Variants in SCFD2 observed in about 807,000 individuals in gnomAD.
SCFD2 encodes sec1 family domain containing 2.
In SCFD2, 54 loss-of-function variants were observed where a neutral mutation model predicts 58.9. The observed-to-expected ratio is 0.92, with a 90% CI of 0.74 to 1.15. SCFD2 has a LOEUF of 1.15. Among genes scored for constraint, SCFD2 ranks in the 50% most tolerant of loss-of-function variants. The probability of loss-of-function intolerance (pLI) is 0.00; values close to 1 mark genes in which losing one functional copy is unlikely to be tolerated. For missense variants in SCFD2, 805 were observed against 836.6 expected, an observed-to-expected ratio of 0.96 and a Z score of 0.47; for synonymous variants, 321 against 335.9, an observed-to-expected ratio of 0.96 and a Z score of 0.49.
intron 5 of SCFD2, among the ~76,000 whole-genome samples, chr4:52,994,288 T>C (rs1486660908): frequency 6.6e-6 from 1 of 152,200 alleles, no homozygotes; most frequent in Non-Finnish European, 1.5e-5. Flanking sequence ...AACTCTAACA[T>C]TTCACTAGCC....
rs1390828355 is a variant in SCFD2, at chr4:53,014,567, G to T, written c.1562-93697C>A. ...ATTCAGCTTATTCAGCATTTATCAA[G>T]AACCTCATAGGCACAACCCTCTCCA... On this transcript the variant is annotated intron_variant, in intron 5 of 8. Transcript: ENST00000401642. Among the ~76,000 whole-genome samples, 6 of 152,196 alleles carry T rather than the reference G, an allele frequency of 3.9e-5. No individual in the cohort carries two copies. In the East Asian group the frequency reaches 1.2e-3, roughly 29 times the overall value.
chr4:53,313,529 C>T (rs748019572), intron 3 of SCFD2, 107 bp downstream of exon 3: 70 of 1,279,828 alleles, frequency 5.5e-5, no homozygotes, highest in Admixed American at 9.3e-5. Context: ...ATACAAAAGT[C>T]GTTACTACTT....
At chr4:53,237,959 C>T (rs1406045805) in intron 4 of SCFD2, among the ~76,000 whole-genome samples, 406 of 88,002 alleles carry the variant, frequency 4.6e-3, no homozygotes, top group South Asian at 9.9e-3. Flanking sequence ...GAGGGGCTGA[C>T]CCCCCCACCT....
chr4:53,278,196 G>A (rs1458707934), intron 3 of SCFD2, among the ~76,000 whole-genome samples: 1 of 151,782 alleles, frequency 6.6e-6, no homozygotes, highest in African/African-American at 2.4e-5. Context: ...GTGAAACCCT[G>A]TCTCTACTAA....
chr4:52,901,442 G>A (rs934843629), intron 7 of SCFD2, among the ~76,000 whole-genome samples: 5 of 152,182 alleles, frequency 3.3e-5, no homozygotes, highest in Admixed American at 2.6e-4. Context: ...CAATACATCT[G>A]AATCCTGGCT....
In SCFD2 at chr4:53,229,958, C is replaced by G. The variant is rs1319550837; in HGVS notation, c.1311+43868G>C. On this transcript the variant is annotated intron_variant, in intron 4 of 8. Transcript: ENST00000401642. Reference sequence around the variant, plus strand: ...CAAACAACCCCATCAAAAAGTGGGCCAAGGAGATGAACAGACACTTCTCAA... The same window carrying G: ...CAAACAACCCCATCAAAAAGTGGGCGAAGGAGATGAACAGACACTTCTCAA... 4.6e-5 allele frequency among the ~76,000 whole-genome samples: 7 copies of G among 151,870 alleles called. No homozygotes were observed. In the East Asian group the frequency reaches 1.2e-3, roughly 25 times the overall value.
At chr4:53,082,166 G>A (rs183298215) in intron 5 of SCFD2, among the ~76,000 whole-genome samples, 14 of 152,154 alleles carry the variant, frequency 9.2e-5, no homozygotes, top group African/African-American at 3.4e-4. Context: ...TCATATATAA[G>A]GTTTTGTGTA....
intron 4 of SCFD2, among the ~76,000 whole-genome samples, chr4:53,271,715 G>A (rs1577919121): frequency 6.6e-6 from 1 of 151,974 alleles, no homozygotes; most frequent in African/African-American, 2.4e-5. Context: ...CGCCCACCTC[G>A]GCCTCCCAAA....
intron 4 of SCFD2, among the ~76,000 whole-genome samples, chr4:53,191,695 G>A (rs1422554393): frequency 3.9e-5 from 6 of 152,144 alleles, no homozygotes; most frequent in Admixed American, 6.5e-5. Flanking sequence ...GTGAGCCACC[G>A]CGCCTGGCTG....
intron 5 of SCFD2, among the ~76,000 whole-genome samples, chr4:52,963,545 C>T (rs945689854): frequency 6.6e-6 from 1 of 152,168 alleles, no homozygotes; most frequent in African/African-American, 2.4e-5. Flanking sequence ...AACCACCCTG[C>T]CCTGTTCCTT....
rs1723906854 is a variant in SCFD2, at chr4:53,074,244, T to C, written c.1561+71089A>G. On this transcript the variant is annotated intron_variant, in intron 5 of 8. Coordinates refer to ENST00000401642, the MANE Select transcript of SCFD2 (RefSeq NM_152540.4). ...TTATCCATAAGAAGCAGCTCCTTAT[T>C]TGTTCAAGTTTTATGGAATTTTAAC... Among the ~76,000 whole-genome samples the C allele has an allele frequency of 2.0e-5, 3 of 152,212 alleles. No individual in the cohort carries two copies. The South Asian group carries it at 6.2e-4, about 32-fold the overall frequency.
At chr4:53,134,050 G>A (rs1426788329) in intron 5 of SCFD2, among the ~76,000 whole-genome samples, 2 of 152,196 alleles carry the variant, frequency 1.3e-5, no homozygotes, top group Non-Finnish European at 1.5e-5. Flanking sequence ...GATGAACCTT[G>A]AGGACATTAC....
At chr4:52,931,531 G>A (rs1226440343) in intron 5 of SCFD2, among the ~76,000 whole-genome samples, 3 of 152,332 alleles carry the variant, frequency 2.0e-5, no homozygotes, top group East Asian at 1.9e-4. Flanking sequence ...CTCCGCCTCC[G>A]GGTGGGGAGT....
intron 8 of SCFD2, among the ~76,000 whole-genome samples, chr4:52,876,414 A>T (rs1330372314): frequency 1.3e-5 from 2 of 152,134 alleles, no homozygotes; most frequent in Admixed American, 1.3e-4. Context: ...AGTTTTAGGG[A>T]TGGTTCATGA....
chr4:53,214,407 G>A (rs542316725), intron 4 of SCFD2, among the ~76,000 whole-genome samples: 2 of 152,140 alleles, frequency 1.3e-5, no homozygotes, highest in Non-Finnish European at 2.9e-5. Flanking sequence ...GATGGCCACT[G>A]ATGATGAGCA....
At chr4:53,247,543 G>A (rs963012285) in intron 4 of SCFD2, among the ~76,000 whole-genome samples, 2 of 152,194 alleles carry the variant, frequency 1.3e-5, no homozygotes, top group African/African-American at 4.8e-5. Context: ...TATACACCAT[G>A]GAATACTATG....
intron 3 of SCFD2, among the ~76,000 whole-genome samples, chr4:53,306,618 C>T (rs538951450): frequency 6.6e-6 from 1 of 152,156 alleles, no homozygotes; most frequent in East Asian, 1.9e-4. Context: ...AAGCACTAAG[C>T]CACCCACTGT....
intron 5 of SCFD2, among the ~76,000 whole-genome samples, chr4:52,998,336 T>C (rs957524901): frequency 6.6e-6 from 1 of 152,166 alleles, no homozygotes; most frequent in Non-Finnish European, 1.5e-5. Context: ...ATACTGTAAG[T>C]ACCAAACAAC....
At chr4:53,272,325 A>G (rs193096797) in intron 4 of SCFD2, among the ~76,000 whole-genome samples, 5 of 152,258 alleles carry the variant, frequency 3.3e-5, no homozygotes, top group Admixed American at 3.3e-4. Flanking sequence ...TAGAAATACC[A>G]TTTGACCCAG....
Sources: gnomAD v4.1 joint callset for allele counts (sites outside exome capture counted in the v4.1 genomes callset) on GRCh38, gnomAD v4.1.1 for gene constraint, MANE v1.5 for transcripts, NCBI Gene and HGNC (gene_info 2026-07-23, HGNC 2026-07-21) for gene names.